The following COBLL1 variants were observed in gnomAD, a reference collection of about 807,000 sequenced individuals.
The protein encoded by COBLL1 is cordon-bleu protein-like 1.
A neutral mutation model predicts 94.8 loss-of-function variants in COBLL1; 50 were observed. That is an observed-to-expected ratio of 0.53 (90% CI 0.42 to 0.67). COBLL1 has a LOEUF of 0.67. Among genes scored for constraint, COBLL1 ranks in the 30% least tolerant of loss-of-function variants. COBLL1 has a pLI of 0.00. For synonymous variants in COBLL1, 448 were observed against 473.8 expected (o/e 0.95, Z 0.71); for missense variants, 1,362 against 1,348.7 (o/e 1.01, Z -0.15).
At chr2:164,780,215 C>T (rs1404871798) in intron 2 of COBLL1, among the ~76,000 whole-genome samples, 5 of 152,150 alleles carry the variant, frequency 3.3e-5, no homozygotes, top group South Asian at 4.1e-4. Flanking sequence ...TAGTAATAAC[C>T]GCCACTAAGG....
intron 2 of COBLL1, among the ~76,000 whole-genome samples, chr2:164,837,857 T>C (rs1215035931): frequency 6.6e-6 from 1 of 152,028 alleles, no homozygotes; most frequent in Non-Finnish European, 1.5e-5. Flanking sequence ...GAACAACAAA[T>C]ATAAAGTGGA....
intron 2 of COBLL1, among the ~76,000 whole-genome samples, chr2:164,758,779 T>C (rs1388152563): frequency 1.3e-5 from 2 of 152,018 alleles, no homozygotes; most frequent in Non-Finnish European, 2.9e-5. Context: ...CAAATATATA[T>C]TTCTACTTTA....
intron 2 of COBLL1, among the ~76,000 whole-genome samples, chr2:164,815,398 C>CAA (rs66834267): frequency 1.6e-4 from 18 of 112,060 alleles, no homozygotes; most frequent in South Asian, 1.1e-3. Flanking sequence ...TATCCTATCT[C>CAA]AAAAAAAAAA....
intron 2 of COBLL1, among the ~76,000 whole-genome samples, chr2:164,805,988 G>A (rs1684136402): frequency 6.6e-6 from 1 of 152,132 alleles, no homozygotes; most frequent in Non-Finnish European, 1.5e-5. Context: ...CCAGCATTTG[G>A]TGTCGTCCAT....
chr2:164,767,342 G>A (rs182710794), intron 2 of COBLL1, among the ~76,000 whole-genome samples: 1 of 152,262 alleles, frequency 6.6e-6, no homozygotes, highest in Admixed American at 6.5e-5. Context: ...TAGGATTAAT[G>A]ATTTAGAAAA....
chr2:164,841,955 A>T, upstream of COBLL1: 1 of 1,536,630 alleles, frequency 6.5e-7, no homozygotes, highest in African/African-American at 1.4e-5. This position sits in a 1 kb window ranked among gnomAD's most constrained non-coding sequence, Gnocchi z 5.5. Flanking sequence ...TCTCTCACTC[A>T]CCCTGCCCCA....
chr2:164,719,258 T>C (rs1445855232), intron 7 of COBLL1, among the ~76,000 whole-genome samples: 4 of 151,958 alleles, frequency 2.6e-5, no homozygotes, highest in Non-Finnish European at 4.4e-5. Flanking sequence ...AAAACAATGA[T>C]TCGGATCTTA....
chr2:164,725,839 A>C (rs903587057), intron 5 of COBLL1, among the ~76,000 whole-genome samples: 1 of 152,212 alleles, frequency 6.6e-6, no homozygotes, highest in African/African-American at 2.4e-5. Flanking sequence ...TTAAACAGTA[A>C]GACAAGCAAA....
chr2:164,718,562 T>C (rs1278703517), intron 7 of COBLL1, among the ~76,000 whole-genome samples: 2 of 152,182 alleles, frequency 1.3e-5, no homozygotes, highest in East Asian at 3.8e-4. Flanking sequence ...CTGTTAACAG[T>C]GGTTGCCTCT....
chr2:164,712,591 TTTAACTC>T (rs1252866519), intron 7 of COBLL1, among the ~76,000 whole-genome samples: 2 of 152,084 alleles, frequency 1.3e-5, no homozygotes, highest in South Asian at 2.1e-4. Context: ...AGGGTCAAGT[TTTAACTC>T]TTAACTCTTG....
At chr2:164,749,176 G>A (rs1343643205) in intron 2 of COBLL1, among the ~76,000 whole-genome samples, 1 of 152,090 alleles carries the variant, frequency 6.6e-6, no homozygotes, top group Non-Finnish European at 1.5e-5. Context: ...TTAAAATGCT[G>A]TATGAGATAT....
intron 5 of COBLL1, chr2:164,722,769 T>C: frequency 4.4e-6 from 1 of 224,854 alleles, no homozygotes; most frequent in Non-Finnish European, 8.6e-6. Context: ...ACTCAGGAAA[T>C]GACAGAGCTA....
chr2:164,762,421 T>C (rs1049802119), intron 2 of COBLL1, among the ~76,000 whole-genome samples: 12 of 152,232 alleles, frequency 7.9e-5, no homozygotes, highest in African/African-American at 2.9e-4. Context: ...CAATATACAG[T>C]GTCCTGAACT....
At chr2:164,829,382 T>C (rs1008831496) in intron 2 of COBLL1, among the ~76,000 whole-genome samples, 1 of 152,186 alleles carries the variant, frequency 6.6e-6, no homozygotes, top group Non-Finnish European at 1.5e-5. Context: ...CTGCTTTTAT[T>C]TTCCCACTCA....
Position 164,681,933 on chromosome 2 carries a change from T to C in COBLL1, c.*4013A>G, listed in dbSNP as rs1683061209. On this transcript the variant is annotated 3_prime_UTR_variant, in exon 14 of 14. Coordinates refer to ENST00000652658, the MANE Select transcript of COBLL1 (RefSeq NM_001365672.2). ...ACACAATGTATCTATATGAACAGTC[T>C]AACATATTAAGGATGGAAATTTGCA... 6.6e-6 allele frequency: 1 copy of C among 152,196 alleles called. No homozygotes were observed. Among genetic ancestry groups the C allele is most frequent in the Non-Finnish European group, 1.5e-5 (1 of 68,036 alleles). 9.4% of individuals were successfully genotyped at this position (152,196 alleles called of 1,614,324 possible). A position where few individuals can be genotyped will look rare whatever the true frequency, so the allele number is the denominator to read the frequency against.
At position 164,746,275 on chromosome 2, in the gene COBLL1, G is replaced by A. The variant is rs180910202; in HGVS notation, c.42-2400C>T. ...TGTCACTTCATAATCTAGTCTCAAC[G>A]AAACAACCAGAGTGATCTTTTTAAA... On this transcript the variant is annotated intron_variant, in intron 2 of 13. Coordinates refer to ENST00000652658, the MANE Select transcript of COBLL1 (RefSeq NM_001365672.2). Among the ~76,000 whole-genome samples, 440 of 152,174 alleles carry A rather than the reference G, an allele frequency of 2.9e-3. 6 individuals are homozygous for A. The highest frequency in any genetic ancestry group is 0.01 in the African/African-American group (417 of 41,518).
intron 2 of COBLL1, among the ~76,000 whole-genome samples, chr2:164,833,479 C>T (rs1404198125): frequency 7.0e-6 from 1 of 143,044 alleles, no homozygotes; most frequent in Non-Finnish European, 1.5e-5. Flanking sequence ...GAGACGGAGT[C>T]TCACTCTTTC....
At chr2:164,812,518 T>C (rs1358470350) in intron 2 of COBLL1, among the ~76,000 whole-genome samples, 5 of 152,034 alleles carry the variant, frequency 3.3e-5, no homozygotes, top group Non-Finnish European at 5.9e-5. Context: ...TGTGACACTA[T>C]AGAGGCAACA....
chr2:164,776,072 C>A (rs1688448196), intron 2 of COBLL1, among the ~76,000 whole-genome samples: 1 of 151,930 alleles, frequency 6.6e-6, no homozygotes, highest in Non-Finnish European at 1.5e-5. Context: ...TACTTCGTCT[C>A]CACTTCAACA....
Sources: gnomAD v4.1 joint callset for allele counts (sites outside exome capture counted in the v4.1 genomes callset) on GRCh38, gnomAD v4.1.1 for gene constraint, Gnocchi (gnomAD v3.1) non-coding constraint, MANE v1.5 for transcripts, NCBI Gene and HGNC (gene_info 2026-07-23, HGNC 2026-07-21) for gene names.